The following XPO4 variants were observed in gnomAD, a reference collection of about 807,000 sequenced individuals.
XPO4 encodes the protein exportin-4.
XPO4 carries 39 observed loss-of-function variants against 143.0 expected under a neutral mutation model. That is an observed-to-expected ratio of 0.27 (90% CI 0.21 to 0.36). The LOEUF is 0.36. Ranked by LOEUF, XPO4 falls within the 10% of genes least tolerant of loss-of-function variation. The pLI is 1.00. For synonymous variants in XPO4, 439 were observed against 474.0 expected (o/e 0.93, Z 0.96); for missense variants, 907 against 1,348.0 (o/e 0.67, Z 5.12).
At chr13:20,885,551 A>C (rs996009727) in intron 1 of XPO4, among the ~76,000 whole-genome samples, 1 of 151,918 alleles carries the variant, frequency 6.6e-6, no homozygotes, top group Non-Finnish European at 1.5e-5. Flanking sequence ...TAAAAAACTA[A>C]GATGGACAGA....
chr13:20,889,346 C>T (rs1031338801), intron 1 of XPO4, among the ~76,000 whole-genome samples: 2 of 152,144 alleles, frequency 1.3e-5, no homozygotes, highest in African/African-American at 4.8e-5. Flanking sequence ...TAAAATGGAT[C>T]ACGTAAGTGT....
intron 2 of XPO4, among the ~76,000 whole-genome samples, chr13:20,867,180 A>G (rs2060251800): frequency 6.6e-6 from 1 of 152,174 alleles, no homozygotes; most frequent in South Asian, 2.1e-4. Context: ...ACGAATCCAC[A>G]CAACTATAAA....
rs1406578969 is a variant in XPO4 at position 20,799,205 on chromosome 13, G to A, written c.2282C>T (p.Ala761Val). The change falls in exon 16 of 23, where the codon GCA (alanine) becomes GTA (valine). Residue 761 changes from alanine to valine, a missense_variant. Ala to Val is a moderately conservative substitution (Grantham distance 64). Transcript: ENST00000255305. The part of the protein sequence containing the change: ...LMKALVLGGF[A>V]HMDTETKQQY... ...CTGTTTGGTTTCTGTGTCCATATGT[G>A]CAAAACCTCCTAAGACTAGAGCCTT... 6.2e-7 allele frequency: 1 copy of A among 1,612,348 alleles called. No homozygotes were observed. Among genetic ancestry groups the A allele is most frequent in the East Asian group, 2.2e-5 (1 of 44,858 alleles).
chr13:20,830,013 G>A (rs1055669292), intron 6 of XPO4, among the ~76,000 whole-genome samples: 2 of 152,090 alleles, frequency 1.3e-5, no homozygotes, highest in African/African-American at 4.8e-5. Context: ...TTTAAAAAGG[G>A]TTTTTCCCAG....
intron 2 of XPO4, chr13:20,865,493 C>T (rs1216311733): frequency 5.1e-6 from 5 of 985,132 alleles, no homozygotes; most frequent in South Asian, 9.4e-5. Context: ...AGGACACTGT[C>T]CAGAGAATAA....
At chr13:20,895,685 T>C (rs771816595) in intron 1 of XPO4, among the ~76,000 whole-genome samples, 10 of 152,024 alleles carry the variant, frequency 6.6e-5, no homozygotes, top group Non-Finnish European at 1.0e-4. Flanking sequence ...TCTATGCATA[T>C]ACAAATATAT....
rs574103463 is a variant in XPO4, at chr13:20,826,194, TG to T, written c.840+872del. ...TTTTTCCAGCTTTTGACCGTTTTAT[TG>T]GGGATACACACTGGCCAATGTGGGA... is the stretch of plus-strand genomic sequence containing the variant. On this transcript the variant is annotated intron_variant, in intron 7 of 22. Coordinates refer to ENST00000255305, the MANE Select transcript of XPO4 (RefSeq NM_022459.5). Among the ~76,000 whole-genome samples the T allele has an allele frequency of 7.7e-4, 118 of 152,316 alleles. 1 individual carries two copies. Among genetic ancestry groups the T allele is most frequent in the African/African-American group, 2.8e-3 (117 of 41,570 alleles).
chr13:20,847,543 C>T (rs7323583), intron 4 of XPO4, among the ~76,000 whole-genome samples: 2,598 of 152,274 alleles, frequency 0.017, 85 homozygotes, highest in African/African-American at 0.058. Flanking sequence ...TTCTTATCTG[C>T]CTCCTTCAGA....
intron 18 of XPO4, 103 bp from the exon 19 acceptor site, chr13:20,790,683 AAATC>A (rs2059268533): frequency 1.2e-6 from 1 of 869,500 alleles, no homozygotes; most frequent in African/African-American, 1.7e-5. Flanking sequence ...GAGGCTAAAT[AAATC>A]AATGAGTGAA....
In XPO4 at chr13:20,837,625, C is replaced by T. The variant is rs57202424; in HGVS notation, c.727+5270G>A. 0.015 allele frequency among the ~76,000 whole-genome samples: 2,221 copies of T among 152,166 alleles called. 123 individuals carry two copies. In the East Asian group the frequency reaches 0.19, roughly 13 times the overall value. ...TCCATTCTCAGGCTGTTGATAAACA[C>T]ATACCCGAGATTGAGCAATTTACAA... is the stretch of plus-strand genomic sequence containing the variant. On this transcript the variant is annotated intron_variant, in intron 6 of 22. Transcript: ENST00000255305.
At chr13:20,835,882 C>T (rs945027606) in intron 6 of XPO4, among the ~76,000 whole-genome samples, 2 of 152,068 alleles carry the variant, frequency 1.3e-5, no homozygotes, top group South Asian at 2.1e-4. Context: ...AACTAGAAGA[C>T]GAAGATGAAG....
intron 18 of XPO4, among the ~76,000 whole-genome samples, chr13:20,792,183 G>A (rs1003820637): frequency 4.6e-5 from 7 of 152,278 alleles, no homozygotes; most frequent in African/African-American, 1.7e-4. Flanking sequence ...TCAAGGCCAG[G>A]CGCAGTAATC....
intron 1 of XPO4, among the ~76,000 whole-genome samples, chr13:20,900,890 G>A (rs78046957): frequency 0.025 from 3,849 of 152,204 alleles, 122 homozygotes; most frequent in Middle Eastern, 0.078. Context: ...GGGATTACAG[G>A]AATGAGCCAC....
At chr13:20,873,101 C>CAA (rs11420948) in intron 1 of XPO4, among the ~76,000 whole-genome samples, 5,209 of 128,052 alleles carry the variant, frequency 0.041, 308 homozygotes, top group African/African-American at 0.14. Context: ...CAAGGATCTT[C>CAA]AAAAAAAAAA....
Position 20,796,021 on chromosome 13 carries a change from T to G in XPO4, c.2797+55A>C, listed in dbSNP as rs2059353863. The G allele has an allele frequency of 8.1e-6, 12 of 1,483,842 alleles. No individual in the cohort carries two copies. In the Admixed American group the frequency reaches 2.4e-4, roughly 29 times the overall value. The allele number at this position is 1,483,842 out of a possible 1,614,324, so 91.9% of individuals were successfully genotyped here. ...TCTCTTACAGAAAACAATCCTTTGA[T>G]TTAATAAAAAGGAGGATAACAACAA... On this transcript the variant is annotated intron_variant, in intron 18 of 22. Coordinates refer to ENST00000255305, the MANE Select transcript of XPO4 (RefSeq NM_022459.5).
At chr13:20,858,920 GTGTA>G (rs1566611776) in intron 3 of XPO4, among the ~76,000 whole-genome samples, 1 of 16,354 alleles carries the variant, frequency 6.1e-5, no homozygotes, top group East Asian at 2.5e-3. Flanking sequence ...ATATGTGTGT[GTGTA>G]TATATATATA....
At chr13:20,825,832 G>A (rs1375134207) in intron 7 of XPO4, among the ~76,000 whole-genome samples, 5 of 152,118 alleles carry the variant, frequency 3.3e-5, no homozygotes, top group Admixed American at 6.6e-5. Context: ...GAAACCACAA[G>A]GTGATTTAAT....
In XPO4 at chr13:20,829,839, A is replaced by G. The variant is rs903462045; in HGVS notation, c.728-2660T>C. On this transcript the variant is annotated intron_variant, in intron 6 of 22. Coordinates refer to ENST00000255305, the MANE Select transcript of XPO4 (RefSeq NM_022459.5). ...AATAAATCTTACAAAAGTATCAGTA[A>G]GAAAATACAGGAAGAAATCTTACAA... Among the ~76,000 whole-genome samples, 3 of 152,330 alleles carry G rather than the reference A, an allele frequency of 2.0e-5. No homozygotes were observed. In the East Asian group the frequency reaches 5.8e-4, roughly 29 times the overall value.
At chr13:20,858,800 G>A (rs2060168408) in intron 3 of XPO4, among the ~76,000 whole-genome samples, 1 of 151,928 alleles carries the variant, frequency 6.6e-6, no homozygotes, top group African/African-American at 2.4e-5. Context: ...GAACACAGGA[G>A]GCAGAGGTTG....
Sources: allele counts gnomAD v4.1 joint callset (sites outside exome capture counted in the v4.1 genomes callset), GRCh38; gene constraint gnomAD v4.1.1; transcripts MANE v1.5; gene names NCBI Gene and HGNC (gene_info 2026-07-23, HGNC 2026-07-21).